Variants in AIMP1 observed in about 807,000 individuals in gnomAD.
The protein encoded by AIMP1 is aminoacyl tRNA synthetase complex interacting multifunctional protein 1.
AIMP1 carries 24 observed loss-of-function variants against 33.1 expected under a neutral mutation model. That is an observed-to-expected ratio of 0.73 (90% CI 0.53 to 1.02). The LOEUF (loss-of-function observed/expected upper bound fraction) is 1.02. Ranked by LOEUF, AIMP1 falls within the 50% of genes least tolerant of loss-of-function variation. The pLI is 0.00. For synonymous variants in AIMP1, 120 were observed against 121.5 expected (o/e 0.99, Z 0.08); for missense variants, 367 against 364.8 (o/e 1.01, Z -0.05).
At chr4:106,347,372 A>G (rs1770343759) in intron 6 of AIMP1, among the ~76,000 whole-genome samples, 154 bp from the exon 7 acceptor site, 2 of 152,220 alleles carry the variant, frequency 1.3e-5, no homozygotes, top group East Asian at 1.9e-4. Flanking sequence ...AACTGCTGAC[A>G]TAATAAAAAT....
intron 2 of AIMP1, 90 bp downstream of exon 2, chr4:106,325,208 TAAGTTTTACTTAG>T: frequency 8.1e-7 from 1 of 1,236,932 alleles, no homozygotes. Context: ...TTAAGTTATT[TAAGTTTTACTTAG>T]AAGTTTCTGT....
intron 6 of AIMP1, among the ~76,000 whole-genome samples, chr4:106,337,497 T>G (rs1425920086): frequency 1.3e-5 from 2 of 152,228 alleles, no homozygotes; most frequent in Non-Finnish European, 2.9e-5. Flanking sequence ...TTGCTCCTCC[T>G]TTGTCTTCTG....
intron 2 of AIMP1, among the ~76,000 whole-genome samples, chr4:106,326,545 C>T (rs73839428): frequency 4.6e-5 from 7 of 152,092 alleles, no homozygotes; most frequent in African/African-American, 1.4e-4. Context: ...TTAACACATA[C>T]ATTATATTTT....
intron 6 of AIMP1, among the ~76,000 whole-genome samples, chr4:106,337,418 C>T (rs1769926462): frequency 6.6e-6 from 1 of 152,056 alleles, no homozygotes; most frequent in Non-Finnish European, 1.5e-5. Flanking sequence ...CTCATGAGAT[C>T]TCATGGTTTT....
intron 2 of AIMP1, among the ~76,000 whole-genome samples, chr4:106,326,859 G>A (rs1769470466): frequency 6.6e-6 from 1 of 151,940 alleles, no homozygotes; most frequent in Admixed American, 6.6e-5. Flanking sequence ...CACACTGCAG[G>A]CTCAATCTCC....
chr4:106,343,326 T>C (rs1446573072), intron 6 of AIMP1, among the ~76,000 whole-genome samples: 4 of 152,200 alleles, frequency 2.6e-5, no homozygotes, highest in Admixed American at 2.0e-4. Context: ...GCAAGGCTGA[T>C]GTGATTATAT....
At chr4:106,339,033 T>G (rs1295170326) in intron 6 of AIMP1, among the ~76,000 whole-genome samples, 1 of 152,200 alleles carries the variant, frequency 6.6e-6, no homozygotes, top group Non-Finnish European at 1.5e-5. Flanking sequence ...TTGGTCCAAT[T>G]TCTCCCATTT....
chr4:106,326,228 A>G (rs1769449423), intron 2 of AIMP1, among the ~76,000 whole-genome samples: 1 of 152,190 alleles, frequency 6.6e-6, no homozygotes, highest in Non-Finnish European at 1.5e-5. Context: ...GCTTAAAAAC[A>G]CTTTGTGTTT....
chr4:106,347,573 A>C lies in AIMP1; in HGVS notation c.820A>C (p.Ile274Leu). The part of the protein sequence containing the change: ...LNPKKKIWEQ[I>L]QPDLHTNDEC... ...TCCTAAGAAGAAGATTTGGGAGCAGATCCAGCCTGATCTTCACACTAATGA... is the reference window on the plus strand; with the variant it reads ...TCCTAAGAAGAAGATTTGGGAGCAGCTCCAGCCTGATCTTCACACTAATGA... Residue 274 changes from isoleucine to leucine, a missense_variant, in exon 7 of 7, where the codon ATC (isoleucine) becomes CTC (leucine). Physicochemically the swap from Ile to Leu is conservative, Grantham distance 5 (BLOSUM62 2). Coordinates refer to ENST00000672341, the MANE Select transcript of AIMP1 (RefSeq NM_001142416.2). 1 of 1,613,456 alleles carries C rather than the reference A, an allele frequency of 6.2e-7. No individual in the cohort carries two copies. The highest frequency in any genetic ancestry group is 8.5e-7 in the Non-Finnish European group (1 of 1,179,662).
At position 106,347,551 on chromosome 4, in the gene AIMP1, TAAG is replaced by T. The variant is rs777246149; in HGVS notation, c.806_808del (p.Lys269del). ...GAGAGCCTGACAAGGAGCTGAATCC[TAAG>T]AAGAAGATTTGGGAGCAGATCCAGC... On this transcript the variant is annotated inframe_deletion, in exon 7 of 7. Transcript: ENST00000672341. 7.4e-6 allele frequency: 12 copies of T among 1,613,124 alleles called. No individual in the cohort carries two copies. The highest frequency in any genetic ancestry group is 3.3e-5 in the Admixed American group (2 of 59,876).
chr4:106,338,535 A>G (rs1253515724), intron 6 of AIMP1, among the ~76,000 whole-genome samples: 1 of 152,188 alleles, frequency 6.6e-6, no homozygotes, highest in African/African-American at 2.4e-5. Context: ...GAGCCTGCAG[A>G]GGCACAGAAC....
intron 3 of AIMP1, 30 bp downstream of exon 3, chr4:106,327,594 C>A: frequency 6.5e-7 from 1 of 1,549,174 alleles, no homozygotes; most frequent in Non-Finnish European, 8.9e-7. Context: ...TTGAGTAATC[C>A]AGAAGTTAAG....
intron 2 of AIMP1, among the ~76,000 whole-genome samples, chr4:106,327,210 A>G (rs1011475935): frequency 2.0e-5 from 3 of 152,208 alleles, no homozygotes; most frequent in Non-Finnish European, 4.4e-5. Context: ...AAAATGATTC[A>G]TAAACAAAGT....
intron 6 of AIMP1, among the ~76,000 whole-genome samples, chr4:106,339,220 G>A (rs895221121): frequency 1.3e-5 from 2 of 152,204 alleles, no homozygotes; most frequent in Non-Finnish European, 1.5e-5. Context: ...CTGTTGGGAA[G>A]GCATGATTGG....
intron 1 of AIMP1, among the ~76,000 whole-genome samples, chr4:106,316,937 A>G (rs1768946975): frequency 1.3e-5 from 2 of 152,184 alleles, no homozygotes; most frequent in African/African-American, 2.4e-5. Context: ...TTGAGCGAAT[A>G]GTTATTAAGC....
intron 4 of AIMP1, among the ~76,000 whole-genome samples, chr4:106,329,809 G>A (rs113087744): frequency 8.1e-6 from 1 of 124,056 alleles, no homozygotes; most frequent in Non-Finnish European, 1.6e-5. Flanking sequence ...TTTTGGAGAC[G>A]GAGTCTTGCT....
chr4:106,317,369 A>G (rs1427944898), intron 1 of AIMP1, among the ~76,000 whole-genome samples: 1 of 152,188 alleles, frequency 6.6e-6, no homozygotes. Context: ...GCAGGTCATG[A>G]AGATCTTGAG....
intron 1 of AIMP1, among the ~76,000 whole-genome samples, chr4:106,322,342 C>T (rs764284386): frequency 6.6e-5 from 10 of 151,496 alleles, no homozygotes; most frequent in Non-Finnish European, 1.5e-4. Context: ...ACCAAGGTCA[C>T]ACAGTCTAAG....
intron 4 of AIMP1, among the ~76,000 whole-genome samples, chr4:106,329,115 A>G (rs945538415): frequency 1.1e-4 from 17 of 150,634 alleles, no homozygotes; most frequent in Non-Finnish European, 2.2e-4. Context: ...TTTAGCCTCT[A>G]AAGCACTTGC....
Sources: gnomAD v4.1 joint callset for allele counts (sites outside exome capture counted in the v4.1 genomes callset) on GRCh38, gnomAD v4.1.1 for gene constraint, MANE v1.5 for transcripts, NCBI Gene and HGNC (gene_info 2026-07-23, HGNC 2026-07-21) for gene names.